The following PCF11 variants were observed in gnomAD, a reference collection of about 807,000 sequenced individuals.
The protein encoded by PCF11 is pre-mRNA cleavage complex 2 protein Pcf11.
A neutral mutation model predicts 166.1 loss-of-function variants in PCF11; 19 were observed. The observed-to-expected ratio is 0.11, with a 90% CI of 0.08 to 0.17. The LOEUF (loss-of-function observed/expected upper bound fraction) is 0.17, where lower values mean the gene tolerates loss of function less well. Among genes scored for constraint, PCF11 ranks in the 10% least tolerant of loss-of-function variants. The pLI is 1.00. For synonymous variants in PCF11, 663 were observed against 644.1 expected (o/e 1.03, Z -0.44); for missense variants, 1,565 against 1,855.5 (o/e 0.84, Z 2.88).
intron 10 of PCF11, among the ~76,000 whole-genome samples, 194 bp downstream of exon 10, chr11:83,177,398 C>G (rs1860925322): frequency 6.6e-6 from 1 of 152,098 alleles, no homozygotes; most frequent in Non-Finnish European, 1.5e-5. Flanking sequence ...TTATAGTGGA[C>G]ATGTGTTTCA....
chr11:83,157,733 C>T, intron 1 of PCF11, 102 bp downstream of exon 1: 5 of 1,102,478 alleles, frequency 4.5e-6, no homozygotes, highest in South Asian at 1.4e-5. Flanking sequence ...GACAGTGTTC[C>T]TTCTCTCCAA....
chr11:83,169,843 C>T (rs1323351699), exon 8 of PCF11: 2 of 1,613,330 alleles, frequency 1.2e-6, no homozygotes, highest in East Asian at 2.2e-5. Flanking sequence ...TTTTAATGGA[C>T]CACATGGCCC....
chr11:83,177,946 TC>T, intron 11 of PCF11, 127 bp downstream of exon 11: 2 of 349,570 alleles, frequency 5.7e-6, no homozygotes, highest in Non-Finnish European at 9.6e-6. Flanking sequence ...ATTTAGGAAG[TC>T]TTTTTTTTTT....
At chr11:83,171,870 T>C in exon 9 of PCF11, 1 of 1,604,510 alleles carries the variant, frequency 6.2e-7, no homozygotes, top group Non-Finnish European at 8.5e-7. Context: ...CAACAGTTTT[T>C]ACCAGTTCAT....
Position 83,167,056 on chromosome 11 carries a change from C to A in PCF11, c.1818-69C>A. On this transcript the variant is annotated intron_variant, in intron 5 of 15. Transcript: ENST00000298281. This position sits in a 1 kb window ranked among gnomAD's most constrained non-coding sequence, Gnocchi z 4.2. ...TTTAACCATATCCTTTGAAAAGAAT[C>A]TTTAAATATGGTCCTGAGTATTTTT... 8.0e-7 allele frequency: 1 copy of A among 1,246,826 alleles called. No individual in the cohort carries two copies. Among genetic ancestry groups the A allele is most frequent in the Non-Finnish European group, 1.1e-6 (1 of 885,344 alleles). The allele number at this position is 1,246,826 out of a possible 1,614,324, so 77.2% of individuals were successfully genotyped here. A position where few individuals can be genotyped will look rare whatever the true frequency, so the allele number is the denominator to read the frequency against.
At chr11:83,174,052 G>T (rs1008194205) in intron 9 of PCF11, among the ~76,000 whole-genome samples, 46 of 152,026 alleles carry the variant, frequency 3.0e-4, no homozygotes, top group African/African-American at 1.1e-3. Context: ...ACAACCTTGG[G>T]TTATATGTGT....
At chr11:83,178,063 A>G (rs1399989678) in intron 11 of PCF11, among the ~76,000 whole-genome samples, 1 of 152,002 alleles carries the variant, frequency 6.6e-6, no homozygotes, top group South Asian at 2.1e-4. Flanking sequence ...GGCCACCCCC[A>G]AAAGTCTTAC....
At position 83,181,845 on chromosome 11, in the gene PCF11, C is replaced by G. The variant is rs1335709887; in HGVS notation, c.4168-9C>G. ...TGGAATAATCTTTTAAAAATCAACT[C>G]CTTTTAAGGACTGGATAGAATTTGA... On this transcript the variant is annotated splice_polypyrimidine_tract_variant and intron_variant, in intron 12 of 15. Transcript: ENST00000298281. The G allele has an allele frequency of 5.1e-6, 8 of 1,576,470 alleles. No homozygotes were observed. The highest frequency in any genetic ancestry group is 6.9e-6 in the Non-Finnish European group (8 of 1,165,626).
intron 9 of PCF11, among the ~76,000 whole-genome samples, chr11:83,175,836 A>G (rs1565159731): frequency 1.3e-5 from 2 of 152,222 alleles, no homozygotes; most frequent in South Asian, 2.1e-4. Context: ...ATTCCTCACC[A>G]ATGAGGATTC....
Position 83,157,449 on chromosome 11 carries a change from C to T in PCF11, c.10C>T (p.Gln4Ter). The stretch of plus-strand genomic sequence containing the variant: ...GGGGGGCCGCGGCGCAATGTCAGAG[C>T]AGACGCCGGCCGAGGCCGGTGCTGC... Residue 4 changes from glutamine to a stop codon, truncating the protein, a stop_gained, in exon 1 of 16, where the codon CAG (glutamine) becomes TAG (stop). Transcript: ENST00000298281. LOFTEE classifies it high-confidence loss of function. The T allele has an allele frequency of 6.2e-7, 1 of 1,609,740 alleles. No individual in the cohort carries two copies. Among genetic ancestry groups the T allele is most frequent in the Non-Finnish European group, 8.5e-7 (1 of 1,179,734 alleles).
exon 16 of PCF11, chr11:83,184,817 C>T: frequency 6.2e-7 from 1 of 1,606,026 alleles, no homozygotes; most frequent in South Asian, 1.1e-5. Flanking sequence ...AATTGATACA[C>T]CACCAGCTTG....
In PCF11 at chr11:83,166,528, C is replaced by T. The variant is rs377356416; in HGVS notation, c.1631C>T (p.Ala544Val). 11 of 1,613,634 alleles carry T rather than the reference C, an allele frequency of 6.8e-6. No individual in the cohort carries two copies. Among genetic ancestry groups the T allele is most frequent in the Non-Finnish European group, 9.3e-6 (11 of 1,179,820 alleles). Residue 544 changes from alanine (A) to valine (V), a missense_variant, in exon 5 of 16, where the codon GCT (alanine) becomes GTT (valine). Around this residue, in one of 12 missense-constraint regions of PCF11, gnomAD observed 468 missense variants for 483.4 expected, o/e 0.97. Transcript: ENST00000298281. ...CCACCTTCTAGGGAAGACAGAAATG[C>T]TAAGAGAAGTACTAAACAGGATATT...
In PCF11 at chr11:83,175,598, A is replaced by G. The variant is rs144649491; in HGVS notation, c.3758-1487A>G. 2.2e-3 allele frequency among the ~76,000 whole-genome samples: 329 copies of G among 152,194 alleles called. 4 individuals carry two copies. The highest frequency in any genetic ancestry group is 7.7e-3 in the African/African-American group (321 of 41,552). On this transcript the variant is annotated intron_variant, in intron 9 of 15. Transcript: ENST00000298281. ...AAACCCCGTCTCTACTAAAAATACAAAAAGAAATTAGCTGGGTGTGGTGGC... is the reference window on the plus strand; with the variant it reads ...AAACCCCGTCTCTACTAAAAATACAGAAAGAAATTAGCTGGGTGTGGTGGC...
chr11:83,164,171 A>T (rs1020670250), intron 3 of PCF11, 36 bp from the exon 4 acceptor site: 1 of 1,490,860 alleles, frequency 6.7e-7, no homozygotes, highest in Non-Finnish European at 9.2e-7. Context: ...GTTTTAGCTG[A>T]TACGTTTTTC....
intron 1 of PCF11, among the ~76,000 whole-genome samples, chr11:83,159,591 A>G (rs1362038211): frequency 6.6e-6 from 1 of 152,192 alleles, no homozygotes; most frequent in Non-Finnish European, 1.5e-5. Context: ...GGTAAAAGAC[A>G]GCTGAAATTT....
In PCF11 at chr11:83,179,071, A is replaced by G. The variant is rs2135443170; in HGVS notation, c.3983+1252A>G. 1.3e-5 allele frequency among the ~76,000 whole-genome samples: 2 copies of G among 152,102 alleles called. 1 individual carries two copies. Among genetic ancestry groups the G allele is most frequent in the South Asian group, 4.1e-4 (2 of 4,824 alleles). On this transcript the variant is annotated intron_variant, in intron 11 of 15. Coordinates refer to ENST00000298281, the Ensembl canonical transcript of PCF11. Reference sequence around the variant, plus strand: ...GAATGAGTTTTTCACTCTTAAAATCATTTTTTAAATTTGAATTAGATACTA... The same window carrying G: ...GAATGAGTTTTTCACTCTTAAAATCGTTTTTTAAATTTGAATTAGATACTA...
At chr11:83,157,376 G>A in exon 1 of PCF11, 1 of 1,443,938 alleles carries the variant, frequency 6.9e-7, no homozygotes, top group Non-Finnish European at 9.5e-7. Flanking sequence ...TCGGAAGGGA[G>A]GCGGGGTATC....
At chr11:83,170,110 T>C (rs1290877850) in intron 8 of PCF11, 115 bp downstream of exon 8, 3 of 903,890 alleles carry the variant, frequency 3.3e-6, no homozygotes, top group Non-Finnish European at 4.8e-6. Flanking sequence ...AAGTTTTTAA[T>C]GTACTCTAAA....
At chr11:83,162,509 C>G (rs747111702) in intron 2 of PCF11, among the ~76,000 whole-genome samples, 49 of 152,200 alleles carry the variant, frequency 3.2e-4, no homozygotes, top group Non-Finnish European at 5.4e-4. Flanking sequence ...ATACTGCTAA[C>G]CAGAGGCTGT....
Sources: allele counts gnomAD v4.1 joint callset (sites outside exome capture counted in the v4.1 genomes callset), GRCh38; gene constraint gnomAD v4.1.1; regional missense constraint gnomAD v4.1.1; non-coding constraint Gnocchi (gnomAD v3.1); transcripts MANE v1.5; gene names NCBI Gene and HGNC (gene_info 2026-07-23, HGNC 2026-07-21).